Variants in NSMAF observed in about 807,000 individuals in gnomAD.
NSMAF encodes the protein neutral sphingomyelinase activation associated factor, also known as protein FAN.
NSMAF carries 90 observed loss-of-function variants against 134.9 expected under a neutral mutation model. The observed-to-expected ratio is 0.67, with a 90% CI of 0.56 to 0.79. The LOEUF is 0.79. Among genes scored for constraint, NSMAF ranks in the 30% least tolerant of loss-of-function variants. The pLI is 0.00. For missense variants in NSMAF, 1,010 were observed against 1,119.0 expected (o/e 0.90, Z 1.39); for synonymous variants, 358 against 389.6 (o/e 0.92, Z 0.96).
chr8:58,599,688 A>G, intron 18 of NSMAF, 62 bp downstream of exon 18: 2 of 1,542,130 alleles, frequency 1.3e-6, no homozygotes, highest in Non-Finnish European at 1.8e-6. Flanking sequence ...TAAAATAATT[A>G]CTGAAATTGC....
At chr8:58,649,676 G>A (rs748414200) in intron 1 of NSMAF, among the ~76,000 whole-genome samples, 3 of 152,268 alleles carry the variant, frequency 2.0e-5, no homozygotes, top group Non-Finnish European at 2.9e-5. Context: ...CATGAGATCC[G>A]GTTGTGGTTG....
At chr8:58,652,108 T>C (rs879803109) in intron 1 of NSMAF, among the ~76,000 whole-genome samples, 38 of 151,988 alleles carry the variant, frequency 2.5e-4, no homozygotes, top group Middle Eastern at 3.2e-3. Flanking sequence ...TCAGCTTGGC[T>C]CCAAATTTTC....
chr8:58,593,643 C>T (rs554298582), intron 23 of NSMAF, among the ~76,000 whole-genome samples: 8 of 152,292 alleles, frequency 5.3e-5, no homozygotes, highest in Non-Finnish European at 1.0e-4. Flanking sequence ...ATATATAATG[C>T]AGACTACCAG....
At position 58,622,308 on chromosome 8, in the gene NSMAF, A is replaced by C. The variant is rs748835193; in HGVS notation, c.557+912T>G. Among the ~76,000 whole-genome samples the C allele has an allele frequency of 4.7e-4, 72 of 152,088 alleles. 1 individual carries two copies. The highest frequency in any genetic ancestry group is 9.1e-4 in the Non-Finnish European group (62 of 68,018). On this transcript the variant is annotated intron_variant, in intron 9 of 30. Coordinates refer to ENST00000038176, the MANE Select transcript of NSMAF (RefSeq NM_003580.4). The stretch of plus-strand genomic sequence containing the variant: ...GAGTACAGAGGCATAATCATGGCTC[A>C]CTGCAGCCTCGACCTCCTGGGCTCA...
chr8:58,585,670 T>C lies in NSMAF; in HGVS notation c.2641A>G (p.Arg881Gly). The change falls in exon 30 of 31, where the codon AGA (arginine) becomes GGA (glycine). Residue 881 changes from arginine (R) to glycine (G), a missense_variant. Arg to Gly is a moderately radical substitution (Grantham distance 125, BLOSUM62 -2). Transcript: ENST00000038176. ...WDLLGAKISERIQGHTGAVTC... is the reference protein window; with the variant it reads ...WDLLGAKISEGIQGHTGAVTC... ...TGCTTACCTGTGTGGCCCTGTATTC[T>C]CTCACTGATTTTTGCTCCAAGGAGG... is the stretch of plus-strand genomic sequence containing the variant. The C allele has an allele frequency of 6.2e-7, 1 of 1,613,746 alleles. No individual in the cohort carries two copies. The highest frequency in any genetic ancestry group is 1.1e-5 in the South Asian group (1 of 91,076).
At position 58,586,563 on chromosome 8, in the gene NSMAF, C is replaced by T. The variant is rs773631020; in HGVS notation, c.2341G>A (p.Gly781Ser). Residue 781 changes from glycine (G) to serine (S), a missense_variant, in exon 28 of 31, where the codon GGC becomes AGC. Gly to Ser is a moderately conservative substitution (Grantham distance 56, BLOSUM62 0). Coordinates refer to ENST00000038176, the MANE Select transcript of NSMAF (RefSeq NM_003580.4). ...LNAASTLLVSGTKEGTVNIWD... is the reference protein window; with the variant it reads ...LNAASTLLVSSTKEGTVNIWD... ...ATATTCACTGTGCCTTCTTTGGTGC[C>T]GGAAACTAACAGTGTGCTTGCAGCA... 9.3e-6 allele frequency: 15 copies of T among 1,613,778 alleles called. No homozygotes were observed. The highest frequency in any genetic ancestry group is 6.7e-5 in the East Asian group (3 of 44,882).
intron 2 of NSMAF, 108 bp from the exon 3 acceptor site, chr8:58,635,654 AG>A: frequency 1.5e-6 from 1 of 674,254 alleles, no homozygotes; most frequent in South Asian, 2.0e-5. Flanking sequence ...ACATAATAAA[AG>A]ATCAATAATG....
chr8:58,587,619 C>G lies in NSMAF; in HGVS notation c.2294G>C (p.Ser765Thr). 1 of 1,613,956 alleles carries G rather than the reference C, an allele frequency of 6.2e-7. No individual in the cohort carries two copies. Among genetic ancestry groups the G allele is most frequent in the Non-Finnish European group, 8.5e-7 (1 of 1,179,806 alleles). Reference protein sequence around the residue: ...DLLAELEHDVSVDTISLNAAS... With the variant: ...DLLAELEHDVTVDTISLNAAS... ...GTACAGTTTGTTGCTGGTACTCACA[C>G]TGACATCATGTTCCAGCTCGGCCAG... Residue 765 changes from serine (S) to threonine (T), a missense_variant and splice_region_variant, in exon 27 of 31, where the codon AGT (serine) becomes ACT (threonine). Ser to Thr is a moderately conservative substitution (Grantham distance 58). Coordinates refer to ENST00000038176, the MANE Select transcript of NSMAF (RefSeq NM_003580.4).
chr8:58,602,145 C>G lies in NSMAF; in HGVS notation c.1046-8G>C. The G allele has an allele frequency of 6.2e-7, 1 of 1,605,070 alleles. No homozygotes were observed. Among genetic ancestry groups the G allele is most frequent in the South Asian group, 1.1e-5 (1 of 90,728 alleles). On this transcript the variant is annotated splice_region_variant and splice_polypyrimidine_tract_variant and intron_variant, in intron 13 of 30. Transcript: ENST00000038176. The stretch of plus-strand genomic sequence containing the variant: ...TTCCTGGATTTGACAAATCTATAAA[C>G]ATAAATCAATAAATAACTTCAGCTT...
At position 58,635,367 on chromosome 8, in the gene NSMAF, A is replaced by G; in HGVS notation, c.234T>C (p.Pro78=). 1 of 1,602,652 alleles carries G rather than the reference A, an allele frequency of 6.2e-7. No individual in the cohort carries two copies. Among genetic ancestry groups the G allele is most frequent in the Non-Finnish European group, 8.5e-7 (1 of 1,175,558 alleles). ...DSISQPIIKI[P]LRDCIKIGKH... Reference sequence around the variant, plus strand: ...TTCCTATTTTTATACAGTCTCTCAAAGGAATCTGGATAAAATTGAGAGAAA... The same window carrying G: ...TTCCTATTTTTATACAGTCTCTCAAGGGAATCTGGATAAAATTGAGAGAAA... Residue 78 remains proline (P), a synonymous_variant, in exon 4 of 31, where the codon CCT becomes CCC. Coordinates refer to ENST00000038176, the MANE Select transcript of NSMAF (RefSeq NM_003580.4).
chr8:58,599,620 T>C (rs1053553635), intron 18 of NSMAF, 130 bp downstream of exon 18: 2 of 1,038,732 alleles, frequency 1.9e-6, no homozygotes, highest in South Asian at 3.2e-5. Context: ...TGATATGGAA[T>C]AGGGCTCATA....
At chr8:58,594,182 C>A (rs868045275) in intron 23 of NSMAF, 50 bp downstream of exon 23, 1 of 1,523,306 alleles carries the variant, frequency 6.6e-7, no homozygotes. Flanking sequence ...ATAAAGAACT[C>A]AGACATTCTA....
chr8:58,594,595 G>C (rs73248901), intron 22 of NSMAF: 4 of 367,746 alleles, frequency 1.1e-5, no homozygotes, highest in Non-Finnish European at 2.0e-5. Context: ...ATTCCCCCTC[G>C]TTTGACCATC....
rs767125875 is a variant in NSMAF at position 58,642,974 on chromosome 8, G to A, written c.149+10C>T. 3 of 1,599,984 alleles carry A rather than the reference G, an allele frequency of 1.9e-6. No homozygotes were observed. The highest frequency in any genetic ancestry group is 1.3e-5 in the African/African-American group (1 of 74,738). On this transcript the variant is annotated intron_variant, in intron 2 of 30. Transcript: ENST00000038176. ...TTTGTTTGTCCAAGGAGATACCGAA[G>A]CTTCCTTACCTTTCATGGTGACTGC...
At chr8:58,632,031 T>A (rs2129145742) in intron 5 of NSMAF, among the ~76,000 whole-genome samples, 1 of 152,264 alleles carries the variant, frequency 6.6e-6, no homozygotes, top group East Asian at 1.9e-4. Flanking sequence ...AGTGACACCA[T>A]CTACCAGAGC....
intron 6 of NSMAF, among the ~76,000 whole-genome samples, chr8:58,628,591 C>A (rs1464165226): frequency 6.6e-6 from 1 of 152,152 alleles, no homozygotes; most frequent in African/African-American, 2.4e-5. Flanking sequence ...ACCACCATTA[C>A]AGCACTACAG....
chr8:58,628,898 T>G (rs899936827), intron 6 of NSMAF, among the ~76,000 whole-genome samples: 8 of 152,230 alleles, frequency 5.3e-5, no homozygotes, highest in African/African-American at 1.9e-4. Context: ...CTGCAAGCTT[T>G]CTGGTGAAAA....
At chr8:58,658,633 A>T (rs968314922) in intron 1 of NSMAF, among the ~76,000 whole-genome samples, 6 of 152,198 alleles carry the variant, frequency 3.9e-5, no homozygotes, top group Non-Finnish European at 7.3e-5. Flanking sequence ...TGGCTCTCAC[A>T]ATCAAAACAG....
chr8:58,606,685 G>A (rs1806417904), intron 11 of NSMAF, among the ~76,000 whole-genome samples: 1 of 152,190 alleles, frequency 6.6e-6, no homozygotes. Context: ...CATAGTGTTA[G>A]TAAGGCTGAG....
Sources: gnomAD v4.1 joint callset for allele counts (sites outside exome capture counted in the v4.1 genomes callset) on GRCh38, gnomAD v4.1.1 for gene constraint, MANE v1.5 for transcripts, NCBI Gene and HGNC (gene_info 2026-07-23, HGNC 2026-07-21) for gene names.